VPS51: variants seen among roughly 807,000 people sequenced by gnomAD.
VPS51 encodes vacuolar protein sorting-associated protein 51 homolog.
In VPS51, 55 loss-of-function variants were observed where a neutral mutation model predicts 65.1. The ratio of observed to expected loss-of-function variants is 0.84; its 90% CI spans 0.68 to 1.06. VPS51 has a LOEUF of 1.06. Ranked by LOEUF, VPS51 falls within the 50% of genes least tolerant of loss-of-function variation. The probability of loss-of-function intolerance (pLI) is 0.00; values close to 1 mark genes in which losing one functional copy is unlikely to be tolerated. For synonymous variants in VPS51, 473 were observed against 489.5 expected, an observed-to-expected ratio of 0.97 and a Z score of 0.44; for missense variants, 943 against 1,101.6, an observed-to-expected ratio of 0.86 and a Z score of 2.04.
chr11:65,105,266 C>G (rs1182105836), intron 2 of VPS51: 1 of 152,018 alleles, frequency 6.6e-6, no homozygotes, highest in South Asian at 2.1e-4. Flanking sequence ...TGGCACGTGC[C>G]TGTAATCCCA....
rs758165452 is a variant in VPS51, at chr11:65,097,002, G to T, written c.233G>T (p.Arg78Leu). The stretch of plus-strand genomic sequence containing the variant: ...CTAACCACCCAACTTCTTCAGCTGC[G>T]TAGAGAGTGCCCTCTGGCCCAGTTG... ...FDPEVYLDKLRRECPLAQLMD... is the reference protein window; with the variant it reads ...FDPEVYLDKLLRECPLAQLMD... The change falls in exon 2 of 10, where the codon CGT becomes CTT. Residue 78 changes from arginine (R) to leucine (L), a missense_variant. Physicochemically the swap from Arg to Leu is moderately radical, Grantham distance 102. Coordinates refer to ENST00000279281, the MANE Select transcript of VPS51 (RefSeq NM_013265.4). 1.9e-6 allele frequency: 3 copies of T among 1,613,368 alleles called. No individual in the cohort carries two copies. The highest frequency in any genetic ancestry group is 2.5e-6 in the Non-Finnish European group (3 of 1,180,020).
chr11:65,107,955 C>T lies in VPS51; in HGVS notation c.658C>T (p.Arg220Cys). ...LQQYQHLPSF[R>C]AIQDDCQVIT... ...GCAGTACCAACACCTGCCCTCGTTC[C>T]GCGCCATCCAGGACGACTGCCAGGT... The change falls in exon 4 of 10, where the codon CGC (arginine) becomes TGC (cysteine). Residue 220 changes from arginine (R) to cysteine (C), a missense_variant. Around this residue, in one of 2 missense-constraint regions of VPS51, gnomAD observed 855 missense variants for 953.7 expected, o/e 0.90. Coordinates refer to ENST00000279281, the MANE Select transcript of VPS51 (RefSeq NM_013265.4). The surrounding 1 kb of genome is among the most constrained non-coding windows in gnomAD (Gnocchi z 4.0). 1.3e-6 allele frequency: 2 copies of T among 1,567,612 alleles called. No homozygotes were observed. The highest frequency in any genetic ancestry group is 1.2e-5 in the South Asian group (1 of 85,964).
chr11:65,102,013 C>G (rs953612249), intron 2 of VPS51, among the ~76,000 whole-genome samples: 1 of 145,600 alleles, frequency 6.9e-6, no homozygotes, highest in Admixed American at 6.9e-5. Flanking sequence ...CTTTTCTTAA[C>G]AAGCTTTTTT....
chr11:65,109,450 C>T lies in VPS51; in HGVS notation c.1614C>T (p.Thr538=). 6.2e-7 allele frequency: 1 copy of T among 1,608,404 alleles called. No homozygotes were observed. The highest frequency in any genetic ancestry group is 1.1e-5 in the South Asian group (1 of 91,088). ...TCTGCCTGGACTACGAGACGGCCAC[C>T]ATCTCCTACATCCTCACTCTCACTG... ...SRLCLDYETA[T]ISYILTLTDE... is the part of the protein sequence containing the mutation. The change falls in exon 6 of 10, where the codon ACC becomes ACT. Residue 538 remains threonine (T), a synonymous_variant. Transcript: ENST00000279281.
intron 2 of VPS51, among the ~76,000 whole-genome samples, chr11:65,101,780 A>G (rs922165423): frequency 9.4e-5 from 14 of 149,494 alleles, no homozygotes; most frequent in Admixed American, 6.0e-4. Context: ...AAAAAAAAAA[A>G]AAAAAAAAAA....
chr11:65,111,203 C>T, intron 9 of VPS51, 124 bp from the exon 10 acceptor site: 22 of 1,423,138 alleles, frequency 1.5e-5, no homozygotes, highest in South Asian at 9.7e-5. Context: ...TATCTGGCCC[C>T]GGAGACTTTC....
chr11:65,108,491 C>G lies in VPS51; in HGVS notation c.1020C>G (p.Phe340Leu), dbSNP rs767698867. Reference sequence around the variant, plus strand: ...CAGGTGCCGAGAAGCTGGCGGCCTTCGCCCGGCAGCTGGGCAGCCGCTATT... The same window carrying G: ...CAGGTGCCGAGAAGCTGGCGGCCTTGGCCCGGCAGCTGGGCAGCCGCTATT... ...GPAGAEKLAA[F>L]ARQLGSRYFA... Residue 340 changes from phenylalanine to leucine, a missense_variant, in exon 5 of 10, where the codon TTC becomes TTG. By Grantham distance (22) the Phe-to-Leu change is conservative. Around this residue, in one of 2 missense-constraint regions of VPS51, gnomAD observed 855 missense variants for 953.7 expected, o/e 0.90. Coordinates refer to ENST00000279281, the MANE Select transcript of VPS51 (RefSeq NM_013265.4). 1.9e-6 allele frequency: 3 copies of G among 1,603,662 alleles called. No homozygotes were observed. In the East Asian group the frequency reaches 6.7e-5, roughly 36 times the overall value.
rs1353021895 is a variant in VPS51, at chr11:65,111,674, T to A, written c.*87T>A. ...GGTGGTCCTTCCCCGCAGGCAGGTG[T>A]CAGGACCGGCCTAATAAACATGTGT... is the stretch of plus-strand genomic sequence containing the variant. On this transcript the variant is annotated 3_prime_UTR_variant, in exon 10 of 10. Coordinates refer to ENST00000279281, the MANE Select transcript of VPS51 (RefSeq NM_013265.4). The A allele has an allele frequency of 2.5e-5, 37 of 1,472,912 alleles. No individual in the cohort carries two copies. The highest frequency in any genetic ancestry group is 4.2e-5 in the African/African-American group (3 of 71,012). 91.2% of individuals were successfully genotyped at this position (1,472,912 alleles called of 1,614,324 possible).
At chr11:65,097,904 G>T (rs530946849) in intron 2 of VPS51, among the ~76,000 whole-genome samples, 1 of 148,094 alleles carries the variant, frequency 6.8e-6, no homozygotes, top group South Asian at 2.2e-4. Flanking sequence ...ACACTAGGCT[G>T]GGCACAGTGG....
rs563134790 is a variant in VPS51 at position 65,109,364 on chromosome 11, G to A, written c.1528G>A (p.Asp510Asn). The change falls in exon 6 of 10, where the codon GAC becomes AAC. Residue 510 changes from aspartate to asparagine, a missense_variant. Around this residue, in one of 2 missense-constraint regions of VPS51, gnomAD observed 855 missense variants for 953.7 expected, o/e 0.90. Transcript: ENST00000279281. ...SMCQTAQSFC[D>N]SPGEKGGATP... ...GTGCCAGACGGCTCAGAGCTTCTGC[G>A]ACAGCCCTGGGGAGAAGGGGGGTGC... 155 of 1,613,262 alleles carry A rather than the reference G, an allele frequency of 9.6e-5. No homozygotes were observed. Among genetic ancestry groups the A allele is most frequent in the South Asian group, 1.2e-4 (11 of 91,086 alleles).
At position 65,108,279 on chromosome 11, in the gene VPS51, G is replaced by A. The variant is rs1200261734; in HGVS notation, c.808G>A (p.Glu270Lys). The change falls in exon 5 of 10, where the codon GAG becomes AAG. Residue 270 changes from glutamate to lysine, a missense_variant. Physicochemically the swap from Glu to Lys is moderately conservative, Grantham distance 56 (BLOSUM62 1). Coordinates refer to ENST00000279281, the MANE Select transcript of VPS51 (RefSeq NM_013265.4). ...ALGEPAEELC[E>K]EFLAHARGRL... The stretch of plus-strand genomic sequence containing the variant: ...GGGCGAGCCTGCGGAGGAGCTGTGC[G>A]AGGAGTTCCTGGCGCACGCCCGCGG... 2.2e-5 allele frequency: 35 copies of A among 1,600,918 alleles called. No homozygotes were observed. Among genetic ancestry groups the A allele is most frequent in the Non-Finnish European group, 2.7e-5 (32 of 1,174,834 alleles).
At chr11:65,105,765 C>T (rs1478625449) in intron 2 of VPS51, among the ~76,000 whole-genome samples, 1 of 152,228 alleles carries the variant, frequency 6.6e-6, no homozygotes. Flanking sequence ...GAATTTCTGA[C>T]CAACTGGCTC....
At position 65,096,460 on chromosome 11, in the gene VPS51, G is replaced by T. The variant is rs746493824; in HGVS notation, c.210G>T (p.Pro70=). The T allele has an allele frequency of 6.5e-7, 1 of 1,535,844 alleles. No individual in the cohort carries two copies. Among genetic ancestry groups the T allele is most frequent in the Admixed American group, 2.4e-5 (1 of 42,480 alleles). ...PTDLNGAHFD[P]EVYLDKLRRE... Reference sequence around the variant, plus strand: ...ATCTGAACGGGGCGCACTTCGACCCGGAAGTTTACCTAGACAAGGTGTGTG... The same window carrying T: ...ATCTGAACGGGGCGCACTTCGACCCTGAAGTTTACCTAGACAAGGTGTGTG... Residue 70 remains proline, a synonymous_variant, in exon 1 of 10, where the codon CCG becomes CCT. Transcript: ENST00000279281.
Position 65,108,622 on chromosome 11 carries a change from C to A in VPS51, c.1151C>A (p.Ala384Asp), listed in dbSNP as rs1459403818. 2.6e-6 allele frequency: 4 copies of A among 1,528,028 alleles called. No individual in the cohort carries two copies. In the East Asian group the frequency reaches 9.7e-5, roughly 37 times the overall value. The allele number at this position is 1,528,028 out of a possible 1,614,324, so 94.7% of individuals were successfully genotyped here. A position where few individuals can be genotyped will look rare whatever the true frequency, so the allele number is the denominator to read the frequency against. ...RFHRRLRAPG[A>D]LLAAAGLADA... is the part of the protein sequence containing the mutation. The stretch of plus-strand genomic sequence containing the variant: ...CACCGGCGCTTGCGGGCTCCCGGGG[C>A]CCTGCTGGCCGCTGCCGGGCTCGCA... The change falls in exon 5 of 10, where the codon GCC (alanine) becomes GAC (aspartate). Residue 384 changes from alanine to aspartate, a missense_variant. Physicochemically the swap from Ala to Asp is moderately radical, Grantham distance 126. Transcript: ENST00000279281.
chr11:65,108,050 G>A, intron 4 of VPS51, 28 bp downstream of exon 4: 3 of 1,486,890 alleles, frequency 2.0e-6, no homozygotes, highest in Non-Finnish European at 2.7e-6. Flanking sequence ...TGACCCCAGC[G>A]CTCCCGCCAG....
rs1347129192 is a variant in VPS51, at chr11:65,109,822, A to G, written c.1777A>G (p.Lys593Glu). ...CCTGGTCATATCACAGATGCTGCGCAAGAGCGTGGAGACTCGCGACTGGCT... is the reference window on the plus strand; with the variant it reads ...CCTGGTCATATCACAGATGCTGCGCGAGAGCGTGGAGACTCGCGACTGGCT... ...QGLVISQMLRKSVETRDWLST... is the reference protein window; with the variant it reads ...QGLVISQMLRESVETRDWLST... The change falls in exon 7 of 10, where the codon AAG becomes GAG. Residue 593 changes from lysine to glutamate, a missense_variant. Lys to Glu is a moderately conservative substitution (Grantham distance 56). Transcript: ENST00000279281. 6.2e-7 allele frequency: 1 copy of G among 1,611,508 alleles called. No individual in the cohort carries two copies. Among genetic ancestry groups the G allele is most frequent in the Admixed American group, 1.7e-5 (1 of 59,720 alleles).
chr11:65,099,720 C>A (rs1053476946), intron 2 of VPS51, among the ~76,000 whole-genome samples: 2 of 152,074 alleles, frequency 1.3e-5, no homozygotes, highest in Non-Finnish European at 2.9e-5. Flanking sequence ...TCACATGAGC[C>A]CAGGAGCTGG....
At chr11:65,109,035 C>T in intron 5 of VPS51, 121 bp downstream of exon 5, 1 of 1,272,626 alleles carries the variant, frequency 7.9e-7, no homozygotes, top group South Asian at 1.2e-5. Context: ...GGTTCTTATG[C>T]ACGGTCTGGG....
Position 65,111,584 on chromosome 11 carries a change from CT to C in VPS51, c.2347del (p.Ter783ArgfsTer55). 6.2e-7 allele frequency: 1 copy of C among 1,602,856 alleles called. No individual in the cohort carries two copies. Among genetic ancestry groups the C allele is most frequent in the Admixed American group, 1.7e-5 (1 of 59,878 alleles). ...SVVEVICERG[*>X] ...TGGTTGAGGTCATCTGCGAGCGCGGCTAGGCGCAGCCGCTGCCATGCACCGG... is the reference window on the plus strand; with the variant it reads ...TGGTTGAGGTCATCTGCGAGCGCGGCAGGCGCAGCCGCTGCCATGCACCGG... On this transcript the variant is annotated frameshift_variant and stop_lost, in exon 10 of 10. Coordinates refer to ENST00000279281, the MANE Select transcript of VPS51 (RefSeq NM_013265.4). LOFTEE classifies it high-confidence loss of function.
Sources: allele counts gnomAD v4.1 joint callset (sites outside exome capture counted in the v4.1 genomes callset), GRCh38; gene constraint gnomAD v4.1.1; regional missense constraint gnomAD v4.1.1; non-coding constraint Gnocchi (gnomAD v3.1); transcripts MANE v1.5; gene names NCBI Gene and HGNC (gene_info 2026-07-23, HGNC 2026-07-21).